Variants in DLGAP1 observed in about 807,000 individuals in gnomAD.
DLGAP1 encodes the protein disks large-associated protein 1.
DLGAP1 carries 11 observed loss-of-function variants against 90.8 expected under a neutral mutation model. The observed-to-expected ratio is 0.12, with a 90% CI of 0.08 to 0.20. The LOEUF (loss-of-function observed/expected upper bound fraction) is 0.20, where lower values mean the gene tolerates loss of function less well. Ranked by LOEUF, DLGAP1 falls within the 10% of genes least tolerant of loss-of-function variation. The pLI, the probability that DLGAP1 is intolerant of heterozygous loss-of-function variation, is 1.00. For synonymous variants in DLGAP1, 558 were observed against 540.7 expected, an observed-to-expected ratio of 1.03 and a Z score of -0.44; for missense variants, 1,050 against 1,333.8, an observed-to-expected ratio of 0.79 and a Z score of 3.31.
Position 4,099,238 on chromosome 18 carries a change from A to ATCTGTCTG in DLGAP1, c.-159+51934_-159+51941dup, listed in dbSNP as rs35402489. Among the ~76,000 whole-genome samples the ATCTGTCTG allele has an allele frequency of 8.2e-4, 93 of 114,028 alleles. No homozygotes were observed. The East Asian group carries it at 9.7e-3, about 12-fold the overall frequency. 74.8% of individuals were successfully genotyped at this position (114,028 alleles called of 152,430 possible). A position where few individuals can be genotyped will look rare whatever the true frequency, so the allele number is the denominator to read the frequency against. ...CAGAGAGCCTGGAACTTGAAAATAG[A>ATCTGTCTG]TCTGTCTGTCTGTCTGTCTGTCTGT... is the stretch of plus-strand genomic sequence containing the variant. On this transcript the variant is annotated intron_variant, in intron 2 of 12. Coordinates refer to ENST00000315677, the MANE Select transcript of DLGAP1 (RefSeq NM_004746.4).
chr18:4,049,273 C>T (rs1026797892), intron 2 of DLGAP1, among the ~76,000 whole-genome samples: 7 of 152,014 alleles, frequency 4.6e-5, no homozygotes, highest in African/African-American at 1.4e-4. Context: ...GAACTTCCCG[C>T]CACACAGATG....
At chr18:3,902,764 A>G (rs528565078) in intron 3 of DLGAP1, among the ~76,000 whole-genome samples, 8 of 152,226 alleles carry the variant, frequency 5.3e-5, no homozygotes, top group South Asian at 4.2e-4. Context: ...GCTCCAATCT[A>G]TCTTTCCATG....
rs2063088402 is a variant in DLGAP1, at chr18:3,742,302, G to T, written c.1350+33C>A. The T allele has an allele frequency of 8.1e-6, 13 of 1,600,606 alleles. No homozygotes were observed. In the East Asian group the frequency reaches 2.9e-4, roughly 36 times the overall value. ...CTCACTAACCTTCCTGCCACTAATG[G>T]CTCCTGACCACCGCTGCCCTGACGG... On this transcript the variant is annotated intron_variant, in intron 6 of 12. Transcript: ENST00000315677.
At chr18:3,657,587 TG>T (rs1337388046) in intron 7 of DLGAP1, among the ~76,000 whole-genome samples, 1 of 151,698 alleles carries the variant, frequency 6.6e-6, no homozygotes, top group African/African-American at 2.4e-5. Context: ...TATAGTGAAT[TG>T]GTTCCCATGG....
chr18:3,811,057 T>G (rs969803167), intron 5 of DLGAP1, among the ~76,000 whole-genome samples: 3 of 152,134 alleles, frequency 2.0e-5, no homozygotes, highest in African/African-American at 7.2e-5. Context: ...CTGCCCACCT[T>G]GGCCTCCCAA....
intron 4 of DLGAP1, among the ~76,000 whole-genome samples, chr18:3,837,123 G>A (rs984008287): frequency 5.9e-5 from 9 of 152,198 alleles, no homozygotes; most frequent in African/African-American, 1.9e-4. Context: ...CCAAGCCTGC[G>A]AAATAGGCTT....
chr18:4,449,463 A>C (rs1437971220), intron 1 of DLGAP1, among the ~76,000 whole-genome samples: 1 of 152,176 alleles, frequency 6.6e-6, no homozygotes, highest in Admixed American at 6.5e-5. Context: ...CTGACATTGC[A>C]AAGAAGTGCC....
intron 7 of DLGAP1, among the ~76,000 whole-genome samples, chr18:3,616,079 A>G (rs183065549): frequency 9.2e-5 from 14 of 152,336 alleles, no homozygotes; most frequent in African/African-American, 3.4e-4. Flanking sequence ...TGTCACAGGC[A>G]TAGAGTTCTG....
intron 1 of DLGAP1, among the ~76,000 whole-genome samples, chr18:4,225,594 T>A (rs988174689): frequency 1.3e-5 from 2 of 151,778 alleles, no homozygotes; most frequent in African/African-American, 2.4e-5. Context: ...TCAGATAAAT[T>A]TAACAAAAAT....
At chr18:4,138,669 ATTTG>A (rs2076446181) in intron 2 of DLGAP1, among the ~76,000 whole-genome samples, 1 of 151,906 alleles carries the variant, frequency 6.6e-6, no homozygotes, top group South Asian at 2.1e-4. Context: ...ATTTAGACAT[ATTTG>A]TTCTTCCTCT....
intron 5 of DLGAP1, among the ~76,000 whole-genome samples, chr18:3,779,063 G>A (rs1372444087): frequency 6.6e-6 from 1 of 152,168 alleles, no homozygotes; most frequent in Non-Finnish European, 1.5e-5. Context: ...CCACCCGCAG[G>A]TGGTGAGTGA....
Position 4,291,542 on chromosome 18 carries a change from T to C in DLGAP1, c.-266-140255A>G, listed in dbSNP as rs192434683. On this transcript the variant is annotated intron_variant, in intron 1 of 12. Coordinates refer to ENST00000315677, the MANE Select transcript of DLGAP1 (RefSeq NM_004746.4). ...TTCTTAAATAATAAATTTTGGATTA[T>C]TTTATACATACATACATACATACAC... is the stretch of plus-strand genomic sequence containing the variant. 5.9e-5 allele frequency among the ~76,000 whole-genome samples: 9 copies of C among 151,862 alleles called. No homozygotes were observed. In the East Asian group the frequency reaches 1.7e-3, roughly 29 times the overall value.
chr18:4,446,838 A>G (rs905954704), intron 1 of DLGAP1, among the ~76,000 whole-genome samples: 4 of 152,208 alleles, frequency 2.6e-5, no homozygotes, highest in African/African-American at 4.8e-5. Flanking sequence ...TTACAAATCA[A>G]TAAGTTTAAC....
At chr18:3,567,673 T>C in intron 8 of DLGAP1, 92 bp from the exon 9 acceptor site, 1 of 1,122,002 alleles carries the variant, frequency 8.9e-7, no homozygotes, top group Non-Finnish European at 1.3e-6. Flanking sequence ...ATCTCTAATA[T>C]GACTGGAATG....
At chr18:3,723,035 C>T (rs569912469) in intron 7 of DLGAP1, among the ~76,000 whole-genome samples, 13 of 152,268 alleles carry the variant, frequency 8.5e-5, no homozygotes, top group African/African-American at 2.9e-4. Flanking sequence ...AGTTTCCTTA[C>T]CTTTGAATGG....
intron 10 of DLGAP1, among the ~76,000 whole-genome samples, chr18:3,527,410 C>CTGTTTTT (rs1555668846): frequency 0.04 from 3,996 of 100,740 alleles, 669 homozygotes; most frequent in Non-Finnish European, 0.052. Context: ...ATTTTCCAAA[C>CTGTTTTT]TTTTTTTTTT....
intron 2 of DLGAP1, among the ~76,000 whole-genome samples, chr18:4,081,499 AC>A (rs1448045357): frequency 6.6e-6 from 1 of 152,152 alleles, no homozygotes; most frequent in East Asian, 1.9e-4. Flanking sequence ...GACATGCTGA[AC>A]TGAAGAAGTC....
At chr18:3,645,578 CT>C (rs1293382680) in intron 7 of DLGAP1, among the ~76,000 whole-genome samples, 2 of 152,186 alleles carry the variant, frequency 1.3e-5, no homozygotes, top group Non-Finnish European at 2.9e-5. Context: ...CCTCCCCTTC[CT>C]GTTTGCCTCT....
At chr18:3,978,960 A>C (rs2073662608) in intron 3 of DLGAP1, among the ~76,000 whole-genome samples, 1 of 152,214 alleles carries the variant, frequency 6.6e-6, no homozygotes, top group African/African-American at 2.4e-5. Context: ...TGAAATGACC[A>C]CATTGAGTAA....
Sources: gnomAD v4.1 joint callset for allele counts (sites outside exome capture counted in the v4.1 genomes callset) on GRCh38, gnomAD v4.1.1 for gene constraint, MANE v1.5 for transcripts, NCBI Gene and HGNC (gene_info 2026-07-23, HGNC 2026-07-21) for gene names.